Variants in CHD1 observed in about 807,000 individuals in gnomAD.
CHD1 encodes the protein ATP-dependent chromatin remodeler CHD1.
A neutral mutation model predicts 224.2 loss-of-function variants in CHD1; 36 were observed. The observed-to-expected ratio is 0.16, with a 90% confidence interval of 0.12 to 0.21. The LOEUF is 0.21. Among genes scored for constraint, CHD1 ranks in the 10% least tolerant of loss-of-function variants. The pLI is 1.00. For synonymous variants in CHD1, 668 were observed against 658.3 expected, an observed-to-expected ratio of 1.01 and a Z score of -0.23; for missense variants, 1,378 against 1,994.8, an observed-to-expected ratio of 0.69 and a Z score of 5.89.
intron 2 of CHD1, among the ~76,000 whole-genome samples, chr5:98,906,137 G>C (rs919152848): frequency 1.3e-5 from 2 of 152,128 alleles, no homozygotes; most frequent in Non-Finnish European, 2.9e-5. Context: ...CATGAGAACA[G>C]AGAAATAAAA....
At chr5:98,917,313 A>C (rs246247) in intron 2 of CHD1, among the ~76,000 whole-genome samples, 35,508 of 143,788 alleles carry the variant, frequency 0.25, 5,224 homozygotes, top group Middle Eastern at 0.32. Flanking sequence ...AAAAAAAAAC[A>C]ACCTCTTAAT....
At chr5:98,859,701 G>C (rs1383568999) in intron 33 of CHD1, among the ~76,000 whole-genome samples, 2 of 151,872 alleles carry the variant, frequency 1.3e-5, no homozygotes, top group African/African-American at 4.8e-5. Context: ...GTTTAAGGTG[G>C]GTCAGGCAAG....
chr5:98,919,565 C>T (rs950577448), intron 2 of CHD1, among the ~76,000 whole-genome samples: 11 of 152,210 alleles, frequency 7.2e-5, no homozygotes, highest in Non-Finnish European at 1.6e-4. Flanking sequence ...AACTGCTTTA[C>T]ATGTATATTA....
intron 2 of CHD1, among the ~76,000 whole-genome samples, chr5:98,915,177 G>C (rs1752659973): frequency 6.6e-6 from 1 of 152,088 alleles, no homozygotes; most frequent in African/African-American, 2.4e-5. Context: ...AACTATAAAA[G>C]GTTTCAGAAA....
chr5:98,873,355 A>G (rs1356259635), intron 26 of CHD1, among the ~76,000 whole-genome samples: 2 of 152,166 alleles, frequency 1.3e-5, no homozygotes, highest in African/African-American at 2.4e-5. Context: ...ATAAAACAGT[A>G]ATTTCTGACC....
chr5:98,928,387 G>A (rs1434478548), intron 1 of CHD1, among the ~76,000 whole-genome samples, 152 bp downstream of exon 1: 1 of 151,988 alleles, frequency 6.6e-6, no homozygotes, highest in Non-Finnish European at 1.5e-5. Context: ...CTGCGCGCCA[G>A]GCCCGTACAC....
At chr5:98,915,726 T>G (rs913690074) in intron 2 of CHD1, among the ~76,000 whole-genome samples, 5 of 151,902 alleles carry the variant, frequency 3.3e-5, no homozygotes, top group African/African-American at 4.8e-5. Flanking sequence ...TCAAGTGAGG[T>G]GGGAGAGGGT....
In CHD1 at chr5:98,872,138, A is replaced by G; in HGVS notation, c.3774T>C (p.Asp1258=). Residue 1258 remains aspartate (D), a synonymous_variant, in exon 28 of 36, where the codon GAT becomes GAC. Transcript: ENST00000614616. ...HFDIDWGKED[D]SNLLIGIYEY... is the part of the protein sequence containing the mutation. ...CATAGATGCCAATTAACAAATTGGA[A>G]TCATCTTCTTTGCCCCAGTCTATAT... The G allele has an allele frequency of 1.2e-6, 2 of 1,613,764 alleles. No homozygotes were observed. Among genetic ancestry groups the G allele is most frequent in the Non-Finnish European group, 1.7e-6 (2 of 1,179,724 alleles).
chr5:98,868,452 GT>G, intron 31 of CHD1, 42 bp downstream of exon 31: 1 of 1,469,000 alleles, frequency 6.8e-7, no homozygotes. Flanking sequence ...CAACTTAAAT[GT>G]TTTATGAGTT....
Position 98,876,532 on chromosome 5 carries a change from C to A in CHD1, c.3264G>T (p.Arg1088Ser), listed in dbSNP as rs760602398. The A allele has an allele frequency of 6.2e-7, 1 of 1,613,796 alleles. No individual in the cohort carries two copies. The highest frequency in any genetic ancestry group is 8.5e-7 in the Non-Finnish European group (1 of 1,179,820). ...CAGAGTATCTCCTACTTCTACTGCG[C>A]CTCCCTTCACTTCCATTGAAACTAA... ...KQISFNGSEG[R>S]RSRSRRYSGS... is the part of the protein sequence containing the mutation. Residue 1088 changes from arginine to serine, a missense_variant, in exon 24 of 36, where the codon AGG (arginine) becomes AGT (serine). Arg to Ser is a moderately radical substitution (Grantham distance 110). This residue lies in a region of CHD1 where 286 missense variants were observed against 445.1 expected (regional missense o/e 0.64). Transcript: ENST00000614616.
Position 98,900,938 on chromosome 5 carries a change from C to T in CHD1, c.732G>A (p.Glu244=), listed in dbSNP as rs1450577674. ...CAGAATCTGTTTTCATTTCTTCATCCTCCTTATAGCTAACATTAACAGTTG... is the reference window on the plus strand; with the variant it reads ...CAGAATCTGTTTTCATTTCTTCATCTTCCTTATAGCTAACATTAACAGTTG... ...RQATVNVSYK[E]DEEMKTDSDD... The change falls in exon 7 of 36, where the codon GAG becomes GAA. Residue 244 remains glutamate (E), a synonymous_variant. Transcript: ENST00000614616. The T allele has an allele frequency of 3.1e-6, 5 of 1,613,896 alleles. No individual in the cohort carries two copies. The highest frequency in any genetic ancestry group is 4.2e-6 in the Non-Finnish European group (5 of 1,180,008).
At chr5:98,886,631 G>A (rs1412996219) in intron 17 of CHD1, among the ~76,000 whole-genome samples, 2 of 151,996 alleles carry the variant, frequency 1.3e-5, no homozygotes, top group Admixed American at 6.6e-5. Flanking sequence ...TTAACTCTGC[G>A]AAGAAAAAAT....
rs188382500 is a variant in CHD1, at chr5:98,908,401, C to T, written c.54-3303G>A. ...TATATACCTCTATCTTGGTTATGAGCAAACGATGTAATAATCACTGTAGTT... is the reference window on the plus strand; with the variant it reads ...TATATACCTCTATCTTGGTTATGAGTAAACGATGTAATAATCACTGTAGTT... On this transcript the variant is annotated intron_variant, in intron 2 of 35. Transcript: ENST00000614616. 4.6e-5 allele frequency among the ~76,000 whole-genome samples: 7 copies of T among 152,306 alleles called. No individual in the cohort carries two copies. The East Asian group carries it at 1.3e-3, about 29-fold the overall frequency.
chr5:98,920,552 T>C (rs1162686866), intron 2 of CHD1, among the ~76,000 whole-genome samples: 2 of 152,014 alleles, frequency 1.3e-5, no homozygotes. Context: ...ATCCCAACAC[T>C]CTGGGAGGCC....
At chr5:98,927,678 T>TA (rs1288110986) in intron 1 of CHD1, among the ~76,000 whole-genome samples, 3 of 152,222 alleles carry the variant, frequency 2.0e-5, no homozygotes, top group African/African-American at 4.8e-5. Flanking sequence ...AATTAAGTCT[T>TA]AAAAAATCTA....
rs1323386401 is a variant in CHD1, at chr5:98,883,232, A to G, written c.2574T>C (p.Phe858=). The G allele has an allele frequency of 2.5e-6, 4 of 1,573,768 alleles. No individual in the cohort carries two copies. The highest frequency in any genetic ancestry group is 2.6e-6 in the Non-Finnish European group (3 of 1,167,374). The change falls in exon 19 of 36, where the codon TTT becomes TTC. Residue 858 remains phenylalanine, a synonymous_variant. Coordinates refer to ENST00000614616, the MANE Select transcript of CHD1 (RefSeq NM_001270.4). The stretch of plus-strand genomic sequence containing the variant: ...CAGCTCTTGTGGACAGCAAAAAGCA[A>G]AAATCCTGTAAGAAATTGAATAATC... ...DHFNAEGSED[F]CFLLSTRAGG... is the part of the protein sequence containing the mutation.
intron 31 of CHD1, among the ~76,000 whole-genome samples, chr5:98,865,475 G>C (rs1748792280): frequency 6.6e-6 from 1 of 152,198 alleles, no homozygotes; most frequent in African/African-American, 2.4e-5. Flanking sequence ...GAAGCAATAA[G>C]AACAGACCCT....
intron 18 of CHD1, chr5:98,883,853 ATATATATATTTTTTTT>A (rs1338675249): frequency 2.4e-4 from 8 of 33,676 alleles, no homozygotes; most frequent in African/African-American, 5.0e-4. Context: ...ATATATATAT[ATATATATATTTTTTTT>A]TTTTTTTTTT....
rs1295035224 is a variant in CHD1, at chr5:98,881,304, G to T, written c.2939C>A (p.Pro980His). 15 of 1,445,954 alleles carry T rather than the reference G, an allele frequency of 1.0e-5. No homozygotes were observed. Among genetic ancestry groups the T allele is most frequent in the African/African-American group, 1.6e-5 (1 of 62,826 alleles). The allele number at this position is 1,445,954 out of a possible 1,614,324, so 89.6% of individuals were successfully genotyped here. A position where few individuals can be genotyped will look rare whatever the true frequency, so the allele number is the denominator to read the frequency against. Reference protein sequence around the residue: ...KFGAEELFKEPEGEEQEPQEM... With the variant: ...KFGAEELFKEHEGEEQEPQEM... ...CTGGGGCTCTTGTTCTTCTCCTTCAGGTTCCTTAAAAAGTTCTTCAGCACC... is the reference window on the plus strand; with the variant it reads ...CTGGGGCTCTTGTTCTTCTCCTTCATGTTCCTTAAAAAGTTCTTCAGCACC... The change falls in exon 21 of 36, where the codon CCT becomes CAT. Residue 980 changes from proline to histidine, a missense_variant. Pro to His is a moderately conservative substitution (Grantham distance 77). Around this residue, in one of 16 missense-constraint regions of CHD1, gnomAD observed 286 missense variants for 445.1 expected, o/e 0.64. Coordinates refer to ENST00000614616, the MANE Select transcript of CHD1 (RefSeq NM_001270.4).
Sources: allele counts gnomAD v4.1 joint callset (sites outside exome capture counted in the v4.1 genomes callset), GRCh38; gene constraint gnomAD v4.1.1; regional missense constraint gnomAD v4.1.1; transcripts MANE v1.5; gene names NCBI Gene and HGNC (gene_info 2026-07-23, HGNC 2026-07-21).